Variants in P2RX2 observed in about 807,000 individuals in gnomAD.
The protein encoded by P2RX2 is purinergic receptor P2X 2.
In P2RX2, 50 loss-of-function variants were observed where a neutral mutation model predicts 54.8. That is an observed-to-expected ratio of 0.91 (90% CI 0.73 to 1.15). The LOEUF is 1.15. P2RX2 is among the 50% of genes most tolerant of loss of function. The pLI is 0.00. For missense variants in P2RX2, 658 were observed against 633.2 expected, an observed-to-expected ratio of 1.04 and a Z score of -0.42; for synonymous variants, 289 against 259.4, an observed-to-expected ratio of 1.11 and a Z score of -1.09.
chr12:132,620,157 G>A (rs1247747721), intron 5 of P2RX2, 61 bp downstream of exon 5: 6 of 1,513,412 alleles, frequency 4.0e-6, no homozygotes, highest in African/African-American at 2.7e-5. Context: ...CCTGACCAGA[G>A]GCCAAACGGG....
chr12:132,620,994 T>C lies in P2RX2; in HGVS notation c.775-7T>C. On this transcript the variant is annotated splice_region_variant and splice_polypyrimidine_tract_variant and intron_variant, in intron 7 of 10. Transcript: ENST00000643471. ...CCTGACCCCCTTCTCTGGCTCCTTC[T>C]TGGCAGGGTGGTGTCATCGGGGTCA... 2 of 1,613,418 alleles carry C rather than the reference T, an allele frequency of 1.2e-6. No individual in the cohort carries two copies. Among genetic ancestry groups the C allele is most frequent in the East Asian group, 2.2e-5 (1 of 44,808 alleles).
rs561154892 is a variant in P2RX2 at position 132,620,320 on chromosome 12, T to C, written c.608T>C (p.Ile203Thr). 1.2e-6 allele frequency: 2 copies of C among 1,614,058 alleles called. No individual in the cohort carries two copies. The highest frequency in any genetic ancestry group is 3.3e-5 in the Admixed American group (2 of 60,016). The change falls in exon 6 of 11, where the codon ATC becomes ACC. Residue 203 changes from isoleucine to threonine, a missense_variant. By Grantham distance (89) the Ile-to-Thr change is moderately conservative. Coordinates refer to ENST00000643471, the MANE Select transcript of P2RX2 (RefSeq NM_170682.4). ...PNFTILIKNS[I>T]HYPKFHFSKG... is the part of the protein sequence containing the mutation. ...TTCACCATCCTCATCAAGAACAGCA[T>C]CCACTACCCCAAATTCCACTTCTCC...
intron 3 of P2RX2, 32 bp downstream of exon 3, chr12:132,619,782 G>A (rs1232871665): frequency 5.0e-6 from 8 of 1,609,936 alleles, no homozygotes; most frequent in Non-Finnish European, 6.8e-6. Flanking sequence ...GGGGGACCCC[G>A]CCTCAGCTAG....
At position 132,619,422 on chromosome 12, in the gene P2RX2, G is replaced by A. The variant is rs201767297; in HGVS notation, c.174-17G>A. 16 of 1,611,020 alleles carry A rather than the reference G, an allele frequency of 9.9e-6. No homozygotes were observed. The South Asian group carries it at 1.3e-4, about 13-fold the overall frequency. On this transcript the variant is annotated splice_polypyrimidine_tract_variant and intron_variant, in intron 1 of 10. Coordinates refer to ENST00000643471, the MANE Select transcript of P2RX2 (RefSeq NM_170682.4). ...TCCCAGGGTCGCCTCCGGAGCCGGC[G>A]CCGCCCCTGCCCGCAGGTACGTATT... is the stretch of plus-strand genomic sequence containing the variant.
In P2RX2 at chr12:132,619,744, C is replaced by G; in HGVS notation, c.375C>G (p.Cys125Trp). The G allele has an allele frequency of 1.2e-6, 2 of 1,609,412 alleles. No homozygotes were observed. The highest frequency in any genetic ancestry group is 1.7e-4 in the Middle Eastern group (1 of 6,048). Residue 125 changes from cysteine to tryptophan, a missense_variant, in exon 3 of 11, where the codon TGC (cysteine) becomes TGG (tryptophan). Coordinates refer to ENST00000643471, the MANE Select transcript of P2RX2 (RefSeq NM_170682.4). ...CCCACTCCCAGACCCAGGGAACCTG[C>G]CCCGAGGTGAGGGGATCCCGCGGCG... ...EATHSQTQGT[C>W]PESIRVHNAT...
Position 132,620,898 on chromosome 12 carries a change from CGTGTGCCCTTGTG to C in P2RX2, c.775-102_775-90del, listed in dbSNP as rs1217833402. On this transcript the variant is annotated intron_variant, in intron 7 of 10. Transcript: ENST00000643471. ...TGACCCGGGCTCTCGAGGGGCCTCT[CGTGTGCCCTTGTG>C]ACCCCCTTCCCTGGCCTGGGACTGA... 67 of 267,594 alleles carry C rather than the reference CGTGTGCCCTTGTG, an allele frequency of 2.5e-4. 13 individuals carry two copies. The highest frequency in any genetic ancestry group is 2.3e-3 in the East Asian group (6 of 2,618). 16.6% of individuals were successfully genotyped at this position (267,594 alleles called of 1,614,324 possible).
Position 132,621,630 on chromosome 12 carries a change from G to C in P2RX2, c.1074G>C (p.Leu358=), listed in dbSNP as rs549714041. ...ALTSVGVGSF[L]CDWILLTFMN... ...TCTGCTGGCCCCAGGGCTCCTTCCT[G>C]TGCGACTGGATCTTGCTAACATTCA... The change falls in exon 11 of 11, where the codon CTG becomes CTC. Residue 358 remains leucine (L), a synonymous_variant. Coordinates refer to ENST00000643471, the MANE Select transcript of P2RX2 (RefSeq NM_170682.4). The C allele has an allele frequency of 1.9e-5, 30 of 1,613,374 alleles. No individual in the cohort carries two copies. The East Asian group carries it at 6.2e-4, about 34-fold the overall frequency.
In P2RX2 at chr12:132,621,114, G is replaced by T; in HGVS notation, c.888G>T (p.Ser296=). 1.2e-6 allele frequency: 2 copies of T among 1,614,078 alleles called. No individual in the cohort carries two copies. Among genetic ancestry groups the T allele is most frequent in the Admixed American group, 1.7e-5 (1 of 60,018 alleles). The change falls in exon 8 of 11, where the codon TCG becomes TCT. Residue 296 remains serine (S), a synonymous_variant. Transcript: ENST00000643471. ...TTGACCCCAAGCACGTGCCTGCCTCGTCAGGCTACAACTTCAGGTGCTGTA... is the reference window on the plus strand; with the variant it reads ...TTGACCCCAAGCACGTGCCTGCCTCTTCAGGCTACAACTTCAGGTGCTGTA... ...RRLDPKHVPA[S]SGYNFRFAKY... is the part of the protein sequence containing the mutation.
Position 132,621,662 on chromosome 12 carries a change from AAAAC to A in P2RX2, c.1109_1112del (p.Asn370ArgfsTer23). The stretch of plus-strand genomic sequence containing the variant: ...TGGATCTTGCTAACATTCATGAACA[AAAAC>A]AAGGTCTACAGCCATAAGAAATTTG... On this transcript the variant is annotated frameshift_variant, in exon 11 of 11. Coordinates refer to ENST00000643471, the MANE Select transcript of P2RX2 (RefSeq NM_170682.4). LOFTEE classifies it high-confidence loss of function. 1 of 1,613,818 alleles carries A rather than the reference AAAAC, an allele frequency of 6.2e-7. No homozygotes were observed. Among genetic ancestry groups the A allele is most frequent in the Non-Finnish European group, 8.5e-7 (1 of 1,179,888 alleles).
In P2RX2 at chr12:132,619,682, G is replaced by C; in HGVS notation, c.313G>C (p.Gly105Arg). The C allele has an allele frequency of 6.3e-7, 1 of 1,596,452 alleles. No homozygotes were observed. Among genetic ancestry groups the C allele is most frequent in the Non-Finnish European group, 8.5e-7 (1 of 1,171,328 alleles). ...VEEYVKPPEG[G>R]SVFSIITRVE... ...CGCCCCCTCTTTCTGAGCCCAGGGG[G>C]GCAGCGTGTTCAGCATCATCACCAG... The change falls in exon 3 of 11, where the codon GGC becomes CGC. Residue 105 changes from glycine (G) to arginine (R), a missense_variant. Physicochemically the swap from Gly to Arg is moderately radical, Grantham distance 125. Transcript: ENST00000643471.
chr12:132,620,347 AG>A lies in P2RX2; in HGVS notation c.635+1del, dbSNP rs769179097. 5 of 1,613,820 alleles carry A rather than the reference AG, an allele frequency of 3.1e-6. No homozygotes were observed. In the East Asian group the frequency reaches 1.1e-4, roughly 36 times the overall value. On this transcript the variant is annotated splice_donor_variant, in intron 6 of 10. Coordinates refer to ENST00000643471, the MANE Select transcript of P2RX2 (RefSeq NM_170682.4). LOFTEE classifies it high-confidence loss of function. ...CACTACCCCAAATTCCACTTCTCCA[AG>A]TAAGAGCCGCGGGGTGTGGTGACGG...
Position 132,622,260 on chromosome 12 carries a change from C to T in P2RX2, c.*288C>T. On this transcript the variant is annotated 3_prime_UTR_variant, in exon 11 of 11. Coordinates refer to ENST00000643471, the MANE Select transcript of P2RX2 (RefSeq NM_170682.4). ...CCCAAGCCAGCTGAGCTCTGAGGGG[C>T]TCTGCTCCCGGTCTTGGGCCCTGGG... The T allele has an allele frequency of 3.7e-6, 5 of 1,339,310 alleles. No homozygotes were observed. In the South Asian group the frequency reaches 7.2e-5, roughly 19 times the overall value. The allele number at this position is 1,339,310 out of a possible 1,614,324, so 83.0% of individuals were successfully genotyped here.
Position 132,621,758 on chromosome 12 carries a change from A to C in P2RX2, c.1202A>C (p.Gln401Pro), listed in dbSNP as rs373803068. ...WPVTLARVLG[Q>P]APPEPGHRSE... ...GTGACCCTTGCCCGTGTATTGGGCC[A>C]GGCCCCTCCCGAACCCGGCCACCGC... The change falls in exon 11 of 11, where the codon CAG (glutamine) becomes CCG (proline). Residue 401 changes from glutamine (Q) to proline (P), a missense_variant. Gln to Pro is a moderately conservative substitution (Grantham distance 76, BLOSUM62 -1). Coordinates refer to ENST00000643471, the MANE Select transcript of P2RX2 (RefSeq NM_170682.4). The C allele has an allele frequency of 1.2e-6, 2 of 1,604,268 alleles. No homozygotes were observed. Among genetic ancestry groups the C allele is most frequent in the African/African-American group, 2.7e-5 (2 of 74,770 alleles).
rs1378517657 is a variant in P2RX2, at chr12:132,620,071, C to T, written c.529C>T (p.Pro177Ser). 1 of 1,585,912 alleles carries T rather than the reference C, an allele frequency of 6.3e-7. No homozygotes were observed. Reference sequence around the variant, plus strand: ...GACCTGCGAGGTGTTCGGCTGGTGCCCGGTGGAAGATGGGGCCTCTGTCAG... The same window carrying T: ...GACCTGCGAGGTGTTCGGCTGGTGCTCGGTGGAAGATGGGGCCTCTGTCAG... ...SKTCEVFGWC[P>S]VEDGASVSQF... Residue 177 changes from proline (P) to serine (S), a missense_variant, in exon 5 of 11, where the codon CCG becomes TCG. Pro to Ser is a moderately conservative substitution (Grantham distance 74). Coordinates refer to ENST00000643471, the MANE Select transcript of P2RX2 (RefSeq NM_170682.4).
At chr12:132,620,877 CCGGGCTCT>C in intron 7 of P2RX2, 116 bp from the exon 8 acceptor site, 8 of 911,816 alleles carry the variant, frequency 8.8e-6, no homozygotes, top group East Asian at 3.9e-5. Flanking sequence ...TGGGACTGAC[CCGGGCTCT>C]CGAGGGGCCT....
chr12:132,620,720 C>T (rs890030216), intron 7 of P2RX2, 137 bp downstream of exon 7: 34 of 1,094,650 alleles, frequency 3.1e-5, no homozygotes, highest in South Asian at 4.5e-5. Flanking sequence ...ATGCGATCAG[C>T]GCAACCCATC....
chr12:132,619,950 T>TGGGGGGGGG, intron 4 of P2RX2, 31 bp downstream of exon 4: 8 of 859,092 alleles, frequency 9.3e-6, no homozygotes, highest in Admixed American at 4.3e-5. Flanking sequence ...GCTGGGCGGG[T>TGGGGGGGGG]GGGGCAGGGC....
rs370361696 is a variant in P2RX2 at position 132,619,766 on chromosome 12, G to A, written c.381+16G>A. 5.0e-6 allele frequency: 8 copies of A among 1,609,926 alleles called. No homozygotes were observed. Among genetic ancestry groups the A allele is most frequent in the Middle Eastern group, 1.6e-4 (1 of 6,070 alleles). ...CTGCCCCGAGGTGAGGGGATCCCGC[G>A]GCGCTGGGGGACCCCGCCTCAGCTA... On this transcript the variant is annotated intron_variant, in intron 3 of 10. Coordinates refer to ENST00000643471, the MANE Select transcript of P2RX2 (RefSeq NM_170682.4).
At chr12:132,620,840 C>T (rs1213283135) in intron 7 of P2RX2, among the ~76,000 whole-genome samples, 161 bp from the exon 8 acceptor site, 1 of 151,984 alleles carries the variant, frequency 6.6e-6, no homozygotes, top group African/African-American at 2.4e-5. Context: ...CCCCATGGGC[C>T]CCTCAGTGCA....
Sources: allele counts gnomAD v4.1 joint callset (sites outside exome capture counted in the v4.1 genomes callset), GRCh38; gene constraint gnomAD v4.1.1; transcripts MANE v1.5; gene names NCBI Gene and HGNC (gene_info 2026-07-23, HGNC 2026-07-21).